The following BCL6 variants were observed in gnomAD, a reference collection of about 807,000 sequenced individuals.
BCL6 encodes B-cell lymphoma 6 protein.
A neutral mutation model predicts 59.5 loss-of-function variants in BCL6; 7 were observed. The ratio of observed to expected loss-of-function variants is 0.12; its 90% CI spans 0.07 to 0.22. The LOEUF (loss-of-function observed/expected upper bound fraction) is 0.22, where lower values mean the gene tolerates loss of function less well. Ranked by LOEUF, BCL6 falls within the 10% of genes least tolerant of loss-of-function variation. The pLI, the probability that BCL6 is intolerant of heterozygous loss-of-function variation, is 1.00. For synonymous variants in BCL6, 339 were observed against 349.7 expected (o/e 0.97, Z 0.34); for missense variants, 685 against 939.4 (o/e 0.73, Z 3.54).
Position 187,733,664 on chromosome 3 carries a change from C to A in BCL6, c.30G>T (p.Gln10His). The A allele has an allele frequency of 6.2e-7, 1 of 1,614,046 alleles. No individual in the cohort carries two copies. Among genetic ancestry groups the A allele is most frequent in the Non-Finnish European group, 8.5e-7 (1 of 1,179,996 alleles). MASPADSCIQFTRHASDVLL... is the reference protein window; with the variant it reads MASPADSCIHFTRHASDVLL... ...GAACATCACTGGCATGGCGGGTGAA[C>A]TGGATACAGCTGTCAGCCGGCGAGG... is the stretch of plus-strand genomic sequence containing the variant. Residue 10 changes from glutamine (Q) to histidine (H), a missense_variant, in exon 3 of 10, where the codon CAG becomes CAT. By Grantham distance (24) the Gln-to-His change is conservative (BLOSUM62 0). Coordinates refer to ENST00000406870, the MANE Select transcript of BCL6 (RefSeq NM_001706.5).
intron 1 of BCL6, among the ~76,000 whole-genome samples, chr3:187,735,646 G>T (rs1017792024): frequency 6.6e-6 from 1 of 152,170 alleles, no homozygotes; most frequent in East Asian, 1.9e-4. Context: ...GCTGGTAAAA[G>T]ACTTAACTAT....
Position 187,722,319 on chromosome 3 carries a change from AC to A in BCL6, c.*138del. On this transcript the variant is annotated 3_prime_UTR_variant, in exon 10 of 10. Transcript: ENST00000406870. The stretch of plus-strand genomic sequence containing the variant: ...AGTCCCCCAGGCCCCGACCCCCACC[AC>A]CCCCAACCCCCAGCTATGATTTGCA... 2.0e-5 allele frequency: 2 copies of A among 101,340 alleles called. No individual in the cohort carries two copies. The highest frequency in any genetic ancestry group is 2.9e-5 in the Non-Finnish European group (2 of 68,358). The allele number at this position is 101,340 out of a possible 1,614,324, so 6.3% of individuals were successfully genotyped here.
chr3:187,744,047 A>T (rs1711744101), intron 1 of BCL6, among the ~76,000 whole-genome samples: 1 of 152,202 alleles, frequency 6.6e-6, no homozygotes, highest in African/African-American at 2.4e-5. Flanking sequence ...CGCCCAAGGT[A>T]AGGACCTCGG....
At chr3:187,745,101 C>G in intron 1 of BCL6, among the ~76,000 whole-genome samples, 1 of 152,174 alleles carries the variant, frequency 6.6e-6, no homozygotes, top group Non-Finnish European at 1.5e-5. Flanking sequence ...CCCAAACCGG[C>G]CGATTCACTC....
chr3:187,725,426 GC>G lies in BCL6; in HGVS notation c.1839+72del. 6.3e-7 allele frequency: 1 copy of G among 1,578,980 alleles called. No homozygotes were observed. Among genetic ancestry groups the G allele is most frequent in the Non-Finnish European group, 8.6e-7 (1 of 1,162,108 alleles). ...CACTTGCCTGCCCACTCCTCCGCTT[GC>G]CTGCCCACTCCTCCGCTCGCCTGCC... On this transcript the variant is annotated intron_variant, in intron 8 of 9. Transcript: ENST00000406870. The surrounding 1 kb of genome is among the most constrained non-coding windows in gnomAD (Gnocchi z 4.7).
rs1359743372 is a variant in BCL6 at position 187,745,154 on chromosome 3, C to T, written c.-50+256G>A. Reference sequence around the variant, plus strand: ...TAATAAATACATAACAATCTATATCCTATGGTGGGAGAGACGTGGGACTAA... The same window carrying T: ...TAATAAATACATAACAATCTATATCTTATGGTGGGAGAGACGTGGGACTAA... On this transcript the variant is annotated intron_variant, in intron 1 of 9. Transcript: ENST00000406870. 4.6e-5 allele frequency among the ~76,000 whole-genome samples: 7 copies of T among 152,168 alleles called. No homozygotes were observed. In the South Asian group the frequency reaches 6.2e-4, roughly 14 times the overall value.
At chr3:187,732,915 C>T (rs1362413496) in intron 3 of BCL6, among the ~76,000 whole-genome samples, 3 of 152,144 alleles carry the variant, frequency 2.0e-5, no homozygotes, top group Admixed American at 6.5e-5. Flanking sequence ...TATCATTTAA[C>T]CTCCCTGTGC....
chr3:187,728,206 G>A (rs1170533087), intron 6 of BCL6, among the ~76,000 whole-genome samples, 154 bp downstream of exon 6: 1 of 152,216 alleles, frequency 6.6e-6, no homozygotes, highest in Non-Finnish European at 1.5e-5. Context: ...AGCGAAGCGT[G>A]GGATGAACGG....
At chr3:187,724,193 G>A (rs1285985741) in intron 9 of BCL6, among the ~76,000 whole-genome samples, 3 of 152,150 alleles carry the variant, frequency 2.0e-5, no homozygotes, top group Non-Finnish European at 4.4e-5. Flanking sequence ...TAGGCAAAAC[G>A]TACACAGATG....
At chr3:187,742,804 C>CT (rs1018727346) in intron 1 of BCL6, among the ~76,000 whole-genome samples, 6 of 152,164 alleles carry the variant, frequency 3.9e-5, no homozygotes, top group African/African-American at 1.2e-4. Flanking sequence ...ATCTTTTCGT[C>CT]TTTTTTAAAA....
chr3:187,725,675 A>G lies in BCL6; in HGVS notation c.1709-46T>C. On this transcript the variant is annotated intron_variant, in intron 7 of 9. Transcript: ENST00000406870. This position sits in a 1 kb window ranked among gnomAD's most constrained non-coding sequence, Gnocchi z 4.7. ...AAAAGAAAAGCCATATTCAATAAGG[A>G]AGGTCTCTGCAGTCCGTGGCTCCTG... 2.5e-6 allele frequency: 4 copies of G among 1,611,946 alleles called. No individual in the cohort carries two copies. In the African/African-American group the frequency reaches 5.3e-5, roughly 22 times the overall value.
chr3:187,722,304 G>GGCCCCCCCCCCCCCCCCCC lies in BCL6; in HGVS notation c.*153_*154insGGGGGGGGGGGGGGGGGGC. ...GCTGCTGCGGCTCCCAGTCCCCCAG[G>GGCCCCCCCCCCCCCCCCCC]CCCCGACCCCCACCACCCCCAACCC... On this transcript the variant is annotated 3_prime_UTR_variant, in exon 10 of 10. Transcript: ENST00000406870. The GGCCCCCCCCCCCCCCCCCC allele has an allele frequency of 3.2e-5, 10 of 309,282 alleles. No homozygotes were observed. Among genetic ancestry groups the GGCCCCCCCCCCCCCCCCCC allele is most frequent in the East Asian group, 5.6e-5 (1 of 17,936 alleles). 19.2% of individuals were successfully genotyped at this position (309,282 alleles called of 1,614,324 possible).
At chr3:187,735,343 C>T (rs968182421) in intron 1 of BCL6, among the ~76,000 whole-genome samples, 1 of 152,190 alleles carries the variant, frequency 6.6e-6, no homozygotes, top group African/African-American at 2.4e-5. Context: ...ATCTTTCAAG[C>T]CTTAGAATGA....
chr3:187,743,444 T>C (rs1383983791), intron 1 of BCL6, among the ~76,000 whole-genome samples: 2 of 151,910 alleles, frequency 1.3e-5, no homozygotes, highest in Non-Finnish European at 2.9e-5. Context: ...ATTTATCTGC[T>C]CAACTGTCAG....
intron 1 of BCL6, among the ~76,000 whole-genome samples, chr3:187,744,460 A>T (rs1576884949): frequency 6.6e-6 from 1 of 152,182 alleles, no homozygotes; most frequent in East Asian, 1.9e-4. Context: ...CCCCGCCCCC[A>T]AGCTCCCCAA....
chr3:187,724,905 C>A (rs202094292), intron 9 of BCL6, 36 bp downstream of exon 9: 1 of 1,576,964 alleles, frequency 6.3e-7, no homozygotes, highest in Admixed American at 1.9e-5. Context: ...TCCACATCCC[C>A]GCAGGTCAGA....
Position 187,722,336 on chromosome 3 carries a change from AT to A in BCL6, c.*121del. The A allele has an allele frequency of 2.1e-6, 1 of 474,294 alleles. No homozygotes were observed. The highest frequency in any genetic ancestry group is 2.7e-6 in the Non-Finnish European group (1 of 365,228). The allele number at this position is 474,294 out of a possible 1,614,324, so 29.4% of individuals were successfully genotyped here. On this transcript the variant is annotated 3_prime_UTR_variant, in exon 10 of 10. Transcript: ENST00000406870. ...CCCCCACCACCCCCAACCCCCAGCTATGATTTGCACTAGTGGATGAAAGAGG... is the reference window on the plus strand; with the variant it reads ...CCCCCACCACCCCCAACCCCCAGCTAGATTTGCACTAGTGGATGAAAGAGG...
chr3:187,727,335 AT>A (rs1348701606), intron 6 of BCL6, among the ~76,000 whole-genome samples: 1 of 152,230 alleles, frequency 6.6e-6, no homozygotes, highest in African/African-American at 2.4e-5. Flanking sequence ...TCAAAGTCAG[AT>A]AATAAATCCC....
Position 187,729,175 on chromosome 3 carries a change from G to A in BCL6, c.1230C>T (p.Ala410=). ...LGRLSPRAYT[A]PPACQPPMEP... is the part of the protein sequence containing the mutation. Reference sequence around the variant, plus strand: ...CCATGGGTGGCTGGCAGGCAGGTGGGGCCGTGTAGGCTCGTGGGGAAAGGC... The same window carrying A: ...CCATGGGTGGCTGGCAGGCAGGTGGAGCCGTGTAGGCTCGTGGGGAAAGGC... Residue 410 remains alanine, a synonymous_variant, in exon 5 of 10, where the codon GCC becomes GCT. Coordinates refer to ENST00000406870, the MANE Select transcript of BCL6 (RefSeq NM_001706.5). The surrounding 1 kb of genome is among the most constrained non-coding windows in gnomAD (Gnocchi z 5.6). 1 of 1,612,184 alleles carries A rather than the reference G, an allele frequency of 6.2e-7. No individual in the cohort carries two copies. Among genetic ancestry groups the A allele is most frequent in the South Asian group, 1.1e-5 (1 of 90,980 alleles).
Sources: allele counts gnomAD v4.1 joint callset (sites outside exome capture counted in the v4.1 genomes callset), GRCh38; gene constraint gnomAD v4.1.1; non-coding constraint Gnocchi (gnomAD v3.1); transcripts MANE v1.5; gene names NCBI Gene and HGNC (gene_info 2026-07-23, HGNC 2026-07-21).